The following RUFY4 variants were observed in gnomAD, a reference collection of about 807,000 sequenced individuals.
The protein encoded by RUFY4 is RUN and FYVE domain containing 4.
A neutral mutation model predicts 69.0 loss-of-function variants in RUFY4; 73 were observed. The ratio of observed to expected loss-of-function variants is 1.06; its 90% CI spans 0.88 to 1.29. The LOEUF (loss-of-function observed/expected upper bound fraction) is 1.29, where lower values mean the gene tolerates loss of function less well. Among genes scored for constraint, RUFY4 ranks in the 50% most tolerant of loss-of-function variants. The probability of loss-of-function intolerance (pLI) is 0.00; values close to 1 mark genes in which losing one functional copy is unlikely to be tolerated. For missense variants in RUFY4, 770 were observed against 705.6 expected (o/e 1.09, Z -1.03); for synonymous variants, 287 against 271.8 (o/e 1.06, Z -0.55).
At chr2:218,060,335 G>C in intron 3 of RUFY4, 1 of 1,524,622 alleles carries the variant, frequency 6.6e-7, no homozygotes, top group Non-Finnish European at 8.8e-7. Context: ...TTAGGCAAGA[G>C]GTCTTAGAGA....
chr2:218,043,477 TTCAGCTC>T (rs953259375), intron 2 of RUFY4, among the ~76,000 whole-genome samples: 10 of 151,886 alleles, frequency 6.6e-5, no homozygotes, highest in African/African-American at 2.4e-4. Flanking sequence ...CCAACATCTG[TTCAGCTC>T]TCAGCAGAGA....
upstream of RUFY4, among the ~76,000 whole-genome samples, chr2:218,064,578 T>C (rs1388600078): frequency 2.6e-5 from 4 of 152,090 alleles, no homozygotes; most frequent in African/African-American, 9.7e-5. Context: ...GAGTTGGGGA[T>C]ACAGGAGTGG....
At chr2:218,069,305 A>G (rs1160187478), upstream of RUFY4, 1 of 152,364 alleles carries the variant, frequency 6.6e-6, no homozygotes, top group Non-Finnish European at 1.5e-5. Context: ...GGACTCTGGC[A>G]GCAGAGCTGC....
chr2:218,057,307 T>C (rs1689085238), intron 2 of RUFY4, among the ~76,000 whole-genome samples: 1 of 152,190 alleles, frequency 6.6e-6, no homozygotes, highest in African/African-American at 2.4e-5. Flanking sequence ...ACATAAAAGG[T>C]TTTGTTTAGA....
intron 9 of RUFY4, among the ~76,000 whole-genome samples, chr2:218,088,413 A>G (rs1042124104): frequency 3.3e-5 from 5 of 151,556 alleles, no homozygotes; most frequent in African/African-American, 1.2e-4. Flanking sequence ...AGCTGTGATC[A>G]TGCTACTGCA....
chr2:218,090,417 C>T (rs373070845), exon 11 of RUFY4: 36 of 236,210 alleles, frequency 1.5e-4, no homozygotes, highest in Non-Finnish European at 2.2e-4. Flanking sequence ...CACCCAGCAG[C>T]GGTGCCCACC....
intron 9 of RUFY4, among the ~76,000 whole-genome samples, chr2:218,086,970 C>CA (rs541448850): frequency 6.6e-6 from 1 of 152,104 alleles, no homozygotes; most frequent in Non-Finnish European, 1.5e-5. Flanking sequence ...TAAAAACTCC[C>CA]AGAAAACCAA....
rs376266965 is a variant in RUFY4, at chr2:218,037,940, AAC to A, written c.-1158+2548_-1158+2549del. Among the ~76,000 whole-genome samples, 1,040 of 152,362 alleles carry A rather than the reference AAC, an allele frequency of 6.8e-3. 12 individuals are homozygous for A. The highest frequency in any genetic ancestry group is 0.023 in the African/African-American group (975 of 41,560). The stretch of plus-strand genomic sequence containing the variant: ...ATCTATAGATAGTTTAAAAGAAAAA[AAC>A]AGTTTCCTAAACTATGGCAAACAAA... On this transcript the variant is annotated intron_variant and NMD_transcript_variant, in intron 2 of 13. Transcript: ENST00000457754.
intron 3 of RUFY4, among the ~76,000 whole-genome samples, chr2:218,063,488 A>T (rs1689248968): frequency 6.6e-6 from 1 of 152,238 alleles, no homozygotes; most frequent in Non-Finnish European, 1.5e-5. Context: ...AAAGTTAAAC[A>T]CAGAGTTACC....
chr2:218,073,884 A>G (rs1367499326), exon 6 of RUFY4: 1 of 1,613,854 alleles, frequency 6.2e-7, no homozygotes, highest in South Asian at 1.1e-5. Flanking sequence ...GCCCCAAAGA[A>G]GGTGCCTCTG....
intron 2 of RUFY4, among the ~76,000 whole-genome samples, chr2:218,056,927 A>T (rs1408431665): frequency 6.6e-6 from 1 of 152,166 alleles, no homozygotes; most frequent in African/African-American, 2.4e-5. Flanking sequence ...CTCTACTAAA[A>T]ATTAGCCAGG....
chr2:218,063,172 C>T (rs1318751892), intron 3 of RUFY4, among the ~76,000 whole-genome samples: 1 of 152,198 alleles, frequency 6.6e-6, no homozygotes, highest in Non-Finnish European at 1.5e-5. Context: ...CCCTAATTAG[C>T]TTTTTTCCGA....
chr2:218,083,280 G>A, intron 9 of RUFY4, 24 bp downstream of exon 11: 2 of 1,558,510 alleles, frequency 1.3e-6, no homozygotes, highest in Non-Finnish European at 1.7e-6. Flanking sequence ...CAGTGGGAAA[G>A]GGGAAACAGA....
intron 9 of RUFY4, among the ~76,000 whole-genome samples, chr2:218,087,654 C>G (rs1689925981): frequency 6.6e-6 from 1 of 151,972 alleles, no homozygotes; most frequent in Non-Finnish European, 1.5e-5. Context: ...CATGCTGAAA[C>G]CCCATCTCTA....
chr2:218,056,236 T>G (rs1007598487), intron 2 of RUFY4, among the ~76,000 whole-genome samples: 1 of 152,012 alleles, frequency 6.6e-6, no homozygotes, highest in Non-Finnish European at 1.5e-5. Context: ...GTTGTTTTTT[T>G]TTTTTTTTTG....
chr2:218,064,526 G>T (rs1240749051), upstream of RUFY4, among the ~76,000 whole-genome samples: 1 of 152,056 alleles, frequency 6.6e-6, no homozygotes, highest in Non-Finnish European at 1.5e-5. Flanking sequence ...TCAGGCAGGG[G>T]TTGCCCCAGC....
At chr2:218,079,879 T>A (rs552092841) in intron 8 of RUFY4, among the ~76,000 whole-genome samples, 1 of 151,842 alleles carries the variant, frequency 6.6e-6, no homozygotes, top group Non-Finnish European at 1.5e-5. Context: ...CTGGGACAGA[T>A]AAACAGATAG....
intron 3 of RUFY4, chr2:218,060,285 G>A: frequency 1.4e-6 from 2 of 1,455,718 alleles, no homozygotes; most frequent in South Asian, 2.9e-5. Context: ...GGCTTGGAAT[G>A]TGACTGTGAA....
chr2:218,071,311 C>T (rs1689481703), intron 2 of RUFY4, among the ~76,000 whole-genome samples: 1 of 152,170 alleles, frequency 6.6e-6, no homozygotes, highest in South Asian at 2.1e-4. Context: ...CACACATCTT[C>T]CTGCTTCTCT....
Sources: allele counts gnomAD v4.1 joint callset (sites outside exome capture counted in the v4.1 genomes callset), GRCh38; gene constraint gnomAD v4.1.1; transcripts MANE v1.5; gene names NCBI Gene and HGNC (gene_info 2026-07-23, HGNC 2026-07-21).